The following CDC123 variants were observed in gnomAD, a reference collection of about 807,000 sequenced individuals.
CDC123 encodes cell division cycle 123.
Under a neutral mutation model 54.4 loss-of-function variants are expected in CDC123, and 37 were observed. The observed-to-expected ratio is 0.68, with a 90% CI of 0.52 to 0.89. CDC123 has a LOEUF of 0.89. CDC123 is among the 40% of genes least tolerant of loss of function. The pLI is 0.00. For synonymous variants in CDC123, 144 were observed against 136.8 expected, an observed-to-expected ratio of 1.05 and a Z score of -0.37; for missense variants, 361 against 412.1, an observed-to-expected ratio of 0.88 and a Z score of 1.07.
intron 10 of CDC123, among the ~76,000 whole-genome samples, chr10:12,238,761 T>G (rs1336991952): frequency 6.6e-6 from 1 of 152,026 alleles, no homozygotes; most frequent in African/African-American, 2.4e-5. Flanking sequence ...GGCTCACACC[T>G]GTAACCCCAG....
chr10:12,217,558 A>G, intron 6 of CDC123, 91 bp downstream of exon 6: 1 of 1,299,388 alleles, frequency 7.7e-7, no homozygotes, highest in Non-Finnish European at 1.1e-6. Flanking sequence ...GTACTATTAT[A>G]AATCATAGCT....
intron 5 of CDC123, among the ~76,000 whole-genome samples, chr10:12,216,061 T>TAA (rs1835659576): frequency 6.6e-6 from 1 of 152,208 alleles, no homozygotes; most frequent in African/African-American, 2.4e-5. Flanking sequence ...TTCCACGTCT[T>TAA]GTGTTGCTGA....
intron 2 of CDC123, among the ~76,000 whole-genome samples, chr10:12,206,270 T>C (rs1320731699): frequency 6.6e-6 from 1 of 152,188 alleles, no homozygotes; most frequent in East Asian, 1.9e-4. Flanking sequence ...ATTTTTAGAG[T>C]GGTAGAATAC....
At position 12,235,116 on chromosome 10, in the gene CDC123, G is replaced by T; in HGVS notation, c.558G>T (p.Lys186Asn). Reference protein sequence around the residue: ...AEFRCFVKENKLIGISQRDYT... With the variant: ...AEFRCFVKENNLIGISQRDYT... Reference sequence around the variant, plus strand: ...TTCGATGTTTTGTCAAGGAAAACAAGCTTATTGGTGAGTTTTTGTTTGTTT... The same window carrying T: ...TTCGATGTTTTGTCAAGGAAAACAATCTTATTGGTGAGTTTTTGTTTGTTT... The change falls in exon 8 of 13, where the codon AAG (lysine) becomes AAT (asparagine). Residue 186 changes from lysine to asparagine, a missense_variant. Lys to Asn is a moderately conservative substitution (Grantham distance 94). Transcript: ENST00000281141. The T allele has an allele frequency of 6.2e-7, 1 of 1,612,266 alleles. No homozygotes were observed. The highest frequency in any genetic ancestry group is 8.5e-7 in the Non-Finnish European group (1 of 1,178,654).
intron 2 of CDC123, among the ~76,000 whole-genome samples, chr10:12,209,401 T>A (rs1835565760): frequency 6.6e-6 from 1 of 152,082 alleles, no homozygotes; most frequent in Non-Finnish European, 1.5e-5. Flanking sequence ...CACACCTGGA[T>A]AATTTTTAAT....
intron 6 of CDC123, among the ~76,000 whole-genome samples, chr10:12,222,396 G>A (rs1835749002): frequency 6.6e-6 from 1 of 152,218 alleles, no homozygotes; most frequent in Admixed American, 6.5e-5. Flanking sequence ...GAGGTGGGTG[G>A]ATCACGAGGT....
Position 12,250,308 on chromosome 10 carries a change from C to T in CDC123, c.985-3C>T. 1 of 1,580,004 alleles carries T rather than the reference C, an allele frequency of 6.3e-7. No individual in the cohort carries two copies. On this transcript the variant is annotated splice_region_variant and splice_polypyrimidine_tract_variant and intron_variant, in intron 12 of 12. Transcript: ENST00000281141. Reference sequence around the variant, plus strand: ...TTAACATCCCCTTGGTTTTCTTTGACAGAAGAGAAATCAGCAGGAGGACGA... The same window carrying T: ...TTAACATCCCCTTGGTTTTCTTTGATAGAAGAGAAATCAGCAGGAGGACGA...
At chr10:12,202,594 A>G (rs1835454188) in intron 2 of CDC123, among the ~76,000 whole-genome samples, 1 of 152,240 alleles carries the variant, frequency 6.6e-6, no homozygotes, top group Non-Finnish European at 1.5e-5. Context: ...TGCAAGCCCC[A>G]GGTGCCTCTA....
chr10:12,226,010 T>G (rs1481968437), intron 6 of CDC123, among the ~76,000 whole-genome samples: 1 of 151,988 alleles, frequency 6.6e-6, no homozygotes, highest in African/African-American at 2.4e-5. Context: ...AAGCACATCT[T>G]GCACCGCCCT....
chr10:12,232,089 C>T (rs185023119), intron 7 of CDC123, among the ~76,000 whole-genome samples: 66 of 152,186 alleles, frequency 4.3e-4, no homozygotes, highest in Non-Finnish European at 7.4e-4. Context: ...TCAAGTGAAA[C>T]GCCTGCCTCA....
At chr10:12,202,880 T>C (rs781561433) in intron 2 of CDC123, among the ~76,000 whole-genome samples, 17 of 152,136 alleles carry the variant, frequency 1.1e-4, no homozygotes, top group Non-Finnish European at 1.3e-4. Context: ...CCAGACGTGG[T>C]GGCGCACTCC....
At chr10:12,209,875 C>T (rs1588671687) in intron 2 of CDC123, 92 bp from the exon 3 acceptor site, 1 of 1,231,598 alleles carries the variant, frequency 8.1e-7, no homozygotes, top group Non-Finnish European at 1.2e-6. Flanking sequence ...AATTTTAAGG[C>T]TATTTAAAAA....
intron 6 of CDC123, among the ~76,000 whole-genome samples, chr10:12,230,163 A>T (rs563772836): frequency 1.4e-4 from 21 of 151,088 alleles, no homozygotes; most frequent in African/African-American, 4.6e-4. Context: ...GTATATATTC[A>T]TGCGGTACAT....
intron 11 of CDC123, chr10:12,247,927 C>G (rs1448013871): frequency 2.0e-5 from 3 of 151,846 alleles, no homozygotes; most frequent in Non-Finnish European, 4.4e-5. Context: ...TGGCATGAAT[C>G]CGGGAGGCAG....
chr10:12,232,813 T>G (rs1835919254), intron 7 of CDC123, among the ~76,000 whole-genome samples: 2 of 151,690 alleles, frequency 1.3e-5, no homozygotes, highest in East Asian at 3.9e-4. Context: ...AGACAGAGTC[T>G]TGCTCTGTCA....
intron 8 of CDC123, 116 bp downstream of exon 8, chr10:12,235,239 C>T (rs1835963320): frequency 1.2e-6 from 1 of 811,836 alleles, no homozygotes. Context: ...CTGTTTTCAT[C>T]TCAGATGCCA....
intron 2 of CDC123, among the ~76,000 whole-genome samples, chr10:12,208,660 A>G (rs1012914043): frequency 1.3e-5 from 2 of 152,098 alleles, no homozygotes; most frequent in African/African-American, 2.4e-5. Context: ...TTTTCTGTCA[A>G]TTGAGGGTGC....
chr10:12,207,849 C>T (rs1362111355), intron 2 of CDC123, among the ~76,000 whole-genome samples: 1 of 152,114 alleles, frequency 6.6e-6, no homozygotes, highest in African/African-American at 2.4e-5. Flanking sequence ...TCATTTTTTC[C>T]AGAGAATAAA....
chr10:12,219,560 C>A (rs1287347593), intron 6 of CDC123, among the ~76,000 whole-genome samples: 1 of 152,146 alleles, frequency 6.6e-6, no homozygotes, highest in African/African-American at 2.4e-5. Context: ...CTAGGAGATA[C>A]CCTCTGAAAA....
Sources: allele counts gnomAD v4.1 joint callset (sites outside exome capture counted in the v4.1 genomes callset), GRCh38; gene constraint gnomAD v4.1.1; transcripts MANE v1.5; gene names NCBI Gene and HGNC (gene_info 2026-07-23, HGNC 2026-07-21).